The following SEPTIN7 variants were observed in gnomAD, a reference collection of about 807,000 sequenced individuals.
SEPTIN7 encodes the protein septin-7.
Under a neutral mutation model 63.3 loss-of-function variants are expected in SEPTIN7, and 10 were observed. That is an observed-to-expected ratio of 0.16 (90% CI 0.10 to 0.27). The LOEUF is 0.27. SEPTIN7 is among the 10% of genes least tolerant of loss of function. The pLI is 1.00. For synonymous variants in SEPTIN7, 131 were observed against 165.3 expected (o/e 0.79, Z 1.59); for missense variants, 310 against 521.0 (o/e 0.59, Z 3.94).
At chr7:35,860,030 G>GCT (rs1223057871) in intron 3 of SEPTIN7, among the ~76,000 whole-genome samples, 2 of 151,468 alleles carry the variant, frequency 1.3e-5, no homozygotes, top group Non-Finnish European at 2.9e-5. Context: ...ATGTCTTTTA[G>GCT]CTGTTTTGTC....
At chr7:35,891,705 C>G (rs568602464) in intron 11 of SEPTIN7, among the ~76,000 whole-genome samples, 2 of 152,112 alleles carry the variant, frequency 1.3e-5, no homozygotes, top group African/African-American at 4.8e-5. Flanking sequence ...ACTTTATGAA[C>G]ACTGTACACT....
intron 4 of SEPTIN7, among the ~76,000 whole-genome samples, chr7:35,864,363 T>C (rs567993969): frequency 6.6e-6 from 1 of 152,298 alleles, no homozygotes; most frequent in Admixed American, 6.5e-5. Context: ...TCACAGGTGA[T>C]GCTGATGCTG....
intron 7 of SEPTIN7, among the ~76,000 whole-genome samples, chr7:35,880,606 T>C (rs1414997793): frequency 1.3e-5 from 2 of 152,070 alleles, no homozygotes; most frequent in Non-Finnish European, 2.9e-5. Flanking sequence ...GTTCTTTTTA[T>C]TCTGGATATT....
chr7:35,880,667 T>A (rs1207403188), intron 7 of SEPTIN7, among the ~76,000 whole-genome samples: 1 of 152,056 alleles, frequency 6.6e-6, no homozygotes, highest in Non-Finnish European at 1.5e-5. Context: ...TTTTGCTGCT[T>A]ATTTTTGTTT....
chr7:35,851,884 C>T (rs1784978243), intron 3 of SEPTIN7, among the ~76,000 whole-genome samples: 1 of 152,084 alleles, frequency 6.6e-6, no homozygotes, highest in Admixed American at 6.6e-5. Context: ...TCAGGCATAG[C>T]CTCACTGCTT....
downstream of SEPTIN7, chr7:35,907,221 G>A (rs961145737): frequency 6.6e-6 from 1 of 152,120 alleles, no homozygotes; most frequent in African/African-American, 2.4e-5. Flanking sequence ...AGACTGCTGT[G>A]GTGTCCTACT....
At chr7:35,824,655 T>A (rs1027227235) in intron 1 of SEPTIN7, among the ~76,000 whole-genome samples, 4 of 152,224 alleles carry the variant, frequency 2.6e-5, no homozygotes, top group Admixed American at 2.0e-4. Flanking sequence ...CTGAATTTTA[T>A]CACCCTTCTA....
chr7:35,827,520 T>C (rs1783578790), intron 1 of SEPTIN7, among the ~76,000 whole-genome samples: 1 of 152,168 alleles, frequency 6.6e-6, no homozygotes, highest in African/African-American at 2.4e-5. Context: ...AGACAGAGTC[T>C]TGCTCTGTCA....
chr7:35,807,526 G>A (rs1299882791), intron 1 of SEPTIN7, among the ~76,000 whole-genome samples: 3 of 151,852 alleles, frequency 2.0e-5, no homozygotes. Context: ...CACCGCGCCC[G>A]GCTAATTTTT....
At chr7:35,834,259 A>G (rs1435199202) in intron 3 of SEPTIN7, among the ~76,000 whole-genome samples, 2 of 151,992 alleles carry the variant, frequency 1.3e-5, no homozygotes. Context: ...GGAGAACTGT[A>G]ACAATTAAAA....
At chr7:35,885,664 A>T (rs1200056364) in intron 9 of SEPTIN7, among the ~76,000 whole-genome samples, 164 bp from the exon 10 acceptor site, 1 of 152,200 alleles carries the variant, frequency 6.6e-6, no homozygotes, top group East Asian at 1.9e-4. Context: ...CTTCTCTGTC[A>T]TGCCCTCACA....
rs751651516 is a variant in SEPTIN7 at position 35,801,165 on chromosome 7, GGCGGGCTGCGCTCCGCTGGGGCTGGTC to G, written c.-40_-14del. On this transcript the variant is annotated 5_prime_UTR_variant, in exon 1 of 14. Coordinates refer to ENST00000350320, the MANE Select transcript of SEPTIN7 (RefSeq NM_001788.6). ...TCGGCGTAGGCGCCTTTGGAGAATC[GGCGGGCTGCGCTCCGCTGGGGCTGGTC>G]GCGGAGGGGGGGAGGGGATGTCGGT... 1.4e-6 allele frequency: 2 copies of G among 1,451,238 alleles called. No homozygotes were observed. The highest frequency in any genetic ancestry group is 2.7e-5 in the South Asian group (2 of 74,730). 89.9% of individuals were successfully genotyped at this position (1,451,238 alleles called of 1,614,324 possible). A position where few individuals can be genotyped will look rare whatever the true frequency, so the allele number is the denominator to read the frequency against.
intron 3 of SEPTIN7, among the ~76,000 whole-genome samples, chr7:35,841,295 C>T (rs573511902): frequency 6.6e-6 from 1 of 152,190 alleles, no homozygotes; most frequent in East Asian, 1.9e-4. Context: ...GAAATGTAAT[C>T]TTGATAATAT....
At chr7:35,912,037 C>A (rs1264592995), downstream of SEPTIN7, among the ~76,000 whole-genome samples, 2 of 152,160 alleles carry the variant, frequency 1.3e-5, no homozygotes, top group East Asian at 3.9e-4. Context: ...AGATGTGGAT[C>A]CTGACTCCTG....
Position 35,905,070 on chromosome 7 carries a change from A to G in SEPTIN7, c.*777A>G, listed in dbSNP as rs1445054907. ...TCCTTTAACTCCCTTTTTACACTTT[A>G]TGGTAAGTAGCAGGGGGGGAAATGC... On this transcript the variant is annotated 3_prime_UTR_variant, in exon 14 of 14. Transcript: ENST00000350320. 6.6e-6 allele frequency: 1 copy of G among 152,580 alleles called. No homozygotes were observed. The highest frequency in any genetic ancestry group is 1.5e-5 in the Non-Finnish European group (1 of 68,018). The allele number at this position is 152,580 out of a possible 1,614,324, so 9.5% of individuals were successfully genotyped here.
chr7:35,868,757 T>C (rs145356939), intron 4 of SEPTIN7, among the ~76,000 whole-genome samples: 44 of 152,308 alleles, frequency 2.9e-4, no homozygotes, highest in East Asian at 1.9e-4. Flanking sequence ...GGGGAAATAG[T>C]GTAAACGGTT....
intron 11 of SEPTIN7, among the ~76,000 whole-genome samples, chr7:35,893,529 G>A (rs569135003): frequency 1.3e-5 from 2 of 152,218 alleles, no homozygotes; most frequent in South Asian, 2.1e-4. Context: ...TAAGTGTGTA[G>A]TAGGTTATAC....
chr7:35,911,675 G>A (rs570677146), downstream of SEPTIN7, among the ~76,000 whole-genome samples: 35 of 152,258 alleles, frequency 2.3e-4, no homozygotes, highest in South Asian at 2.7e-3. Context: ...ATCTGGAACC[G>A]TGGCAGTATA....
At chr7:35,915,209 T>C in the SEPTIN7 span, among the ~76,000 whole-genome samples, 1 of 142,116 alleles carries the variant, frequency 7.0e-6, no homozygotes, top group African/African-American at 2.6e-5. Flanking sequence ...TGGGTCTGGC[T>C]AGTTATCTGC....
Sources: allele counts gnomAD v4.1 joint callset (sites outside exome capture counted in the v4.1 genomes callset), GRCh38; gene constraint gnomAD v4.1.1; transcripts MANE v1.5; gene names NCBI Gene and HGNC (gene_info 2026-07-23, HGNC 2026-07-21).